XKR9: variants seen among roughly 807,000 people sequenced by gnomAD.
The protein encoded by XKR9 is XK-related protein 9.
A neutral mutation model predicts 32.0 loss-of-function variants in XKR9; 32 were observed. The observed-to-expected ratio is 1.00, with a 90% confidence interval of 0.76 to 1.34. The LOEUF (loss-of-function observed/expected upper bound fraction) is 1.34, where lower values mean the gene tolerates loss of function less well. Ranked by LOEUF, XKR9 falls within the 40% of genes most tolerant of loss-of-function variation. The probability of loss-of-function intolerance (pLI) is 0.00; values close to 1 mark genes in which losing one functional copy is unlikely to be tolerated. For synonymous variants in XKR9, 168 were observed against 143.4 expected (o/e 1.17, Z -1.22); for missense variants, 546 against 429.7 (o/e 1.27, Z -2.39).
At chr8:70,906,463 C>G in the XKR9 span, among the ~76,000 whole-genome samples, 2 of 152,308 alleles carry the variant, frequency 1.3e-5, no homozygotes, top group Admixed American at 6.5e-5. Flanking sequence ...AACACATTAG[C>G]TTCTGTCCAT....
the XKR9 span, among the ~76,000 whole-genome samples, chr8:70,909,283 G>T: frequency 6.6e-6 from 1 of 152,112 alleles, no homozygotes; most frequent in East Asian, 1.9e-4. Flanking sequence ...GCTATTTATA[G>T]TTCATACCAT....
the XKR9 span, among the ~76,000 whole-genome samples, chr8:70,966,337 G>T: frequency 6.6e-6 from 1 of 151,840 alleles, no homozygotes; most frequent in Non-Finnish European, 1.5e-5. Context: ...CAACTTCTGC[G>T]TCCTGGGTTC....
At chr8:70,890,052 T>C in the XKR9 span, among the ~76,000 whole-genome samples, 12,744 of 152,084 alleles carry the variant, frequency 0.084, 613 homozygotes, top group African/African-American at 0.097. Flanking sequence ...TGTATCAGCA[T>C]TGAATTTTTT....
chr8:70,813,994 G>A, the XKR9 span, among the ~76,000 whole-genome samples: 9 of 152,220 alleles, frequency 5.9e-5, no homozygotes, highest in South Asian at 4.2e-4. Context: ...ACATGCATAC[G>A]TATGTTTATT....
the XKR9 span, among the ~76,000 whole-genome samples, chr8:70,892,675 C>T: frequency 6.6e-6 from 1 of 152,086 alleles, no homozygotes; most frequent in Non-Finnish European, 1.5e-5. Context: ...TCTTTCCTGG[C>T]CTGTAAGGTT....
the XKR9 span, among the ~76,000 whole-genome samples, chr8:71,035,768 A>T: frequency 0.014 from 2,070 of 152,272 alleles, 58 homozygotes; most frequent in African/African-American, 0.047. Flanking sequence ...GAGAAACAGC[A>T]GAAGCAGGAA....
chr8:71,052,424 C>T, the XKR9 span, among the ~76,000 whole-genome samples: 1 of 152,126 alleles, frequency 6.6e-6, no homozygotes, highest in Non-Finnish European at 1.5e-5. Flanking sequence ...GAACTCTCCT[C>T]AGGGCACTTC....
chr8:71,048,732 AT>A, the XKR9 span, among the ~76,000 whole-genome samples: 69 of 152,316 alleles, frequency 4.5e-4, no homozygotes, highest in Admixed American at 1.4e-3. Context: ...GAGAGAAAAG[AT>A]TTCTCTTTAT....
At chr8:70,809,742 G>GA in the XKR9 span, among the ~76,000 whole-genome samples, 1 of 152,050 alleles carries the variant, frequency 6.6e-6, no homozygotes, top group Admixed American at 6.5e-5. Context: ...GAAATTTAGA[G>GA]AAAAAAGAAT....
the XKR9 span, among the ~76,000 whole-genome samples, chr8:71,040,491 C>T: frequency 6.6e-6 from 1 of 152,100 alleles, no homozygotes. Flanking sequence ...TGAGTACAGC[C>T]TTATACAAAA....
At chr8:70,731,193 A>G (rs1806651069) in intron 4 of XKR9, among the ~76,000 whole-genome samples, 1 of 152,218 alleles carries the variant, frequency 6.6e-6, no homozygotes, top group Non-Finnish European at 1.5e-5. Context: ...GACTAGTTTC[A>G]CAAATCCTTT....
At chr8:70,964,147 G>A in the XKR9 span, among the ~76,000 whole-genome samples, 1 of 152,150 alleles carries the variant, frequency 6.6e-6, no homozygotes, top group African/African-American at 2.4e-5. Context: ...TTTTGTATAA[G>A]GTATAAGAAT....
chr8:70,870,267 A>G, the XKR9 span, among the ~76,000 whole-genome samples: 1 of 152,204 alleles, frequency 6.6e-6, no homozygotes, highest in Non-Finnish European at 1.5e-5. Flanking sequence ...AAATGCCACA[A>G]ATGTGATGGG....
the XKR9 span, among the ~76,000 whole-genome samples, chr8:71,003,444 T>G: frequency 6.6e-6 from 1 of 152,266 alleles, no homozygotes; most frequent in South Asian, 2.1e-4. Flanking sequence ...TGTTTTCAGT[T>G]TCTTTTTTTT....
the XKR9 span, among the ~76,000 whole-genome samples, chr8:70,856,167 A>G: frequency 2.0e-5 from 3 of 152,240 alleles, no homozygotes; most frequent in African/African-American, 7.2e-5. Context: ...GCTCCAATTA[A>G]AAGACACAGA....
chr8:70,891,168 C>T, the XKR9 span, among the ~76,000 whole-genome samples: 42 of 151,576 alleles, frequency 2.8e-4, 1 homozygote, highest in Middle Eastern at 3.4e-3. Flanking sequence ...TTTATTTATT[C>T]AGGCCTTTTG....
the XKR9 span, among the ~76,000 whole-genome samples, chr8:70,799,727 G>A: frequency 6.6e-6 from 1 of 152,142 alleles, no homozygotes; most frequent in Non-Finnish European, 1.5e-5. Flanking sequence ...CTGAGACTTT[G>A]CTGGAGTTGT....
chr8:70,869,476 A>T, the XKR9 span, among the ~76,000 whole-genome samples: 3 of 152,178 alleles, frequency 2.0e-5, no homozygotes, highest in African/African-American at 7.2e-5. Context: ...CATGAGACTT[A>T]TTCACTATCA....
the XKR9 span, among the ~76,000 whole-genome samples, chr8:70,882,006 T>C: frequency 6.6e-6 from 1 of 151,918 alleles, no homozygotes; most frequent in Non-Finnish European, 1.5e-5. Context: ...AGCAAACTAT[T>C]GCCAGGACAG....
Sources: gnomAD v4.1 joint callset for allele counts (sites outside exome capture counted in the v4.1 genomes callset) on GRCh38, gnomAD v4.1.1 for gene constraint, MANE v1.5 for transcripts, NCBI Gene and HGNC (gene_info 2026-07-23, HGNC 2026-07-21) for gene names.